Variants in FBXO34 observed in about 807,000 individuals in gnomAD.
FBXO34 encodes the protein F-box only protein 34.
Under a neutral mutation model 24.5 loss-of-function variants are expected in FBXO34, and 12 were observed. That is an observed-to-expected ratio of 0.49 (90% CI 0.31 to 0.79). The LOEUF (loss-of-function observed/expected upper bound fraction) is 0.79. Ranked by LOEUF, FBXO34 falls within the 30% of genes least tolerant of loss-of-function variation. The pLI, the probability that FBXO34 is intolerant of heterozygous loss-of-function variation, is 0.04. For synonymous variants in FBXO34, 320 were observed against 311.9 expected (o/e 1.03, Z -0.27); for missense variants, 823 against 857.7 (o/e 0.96, Z 0.51).
the FBXO34 span, among the ~76,000 whole-genome samples, chr14:55,379,764 C>T: frequency 1.3e-5 from 2 of 152,180 alleles, no homozygotes; most frequent in South Asian, 4.1e-4. Flanking sequence ...TTCCGTCACT[C>T]AGGCTGGAGT....
intron 1 of FBXO34, among the ~76,000 whole-genome samples, chr14:55,294,437 A>T (rs1369215081): frequency 6.6e-6 from 1 of 152,044 alleles, no homozygotes; most frequent in Non-Finnish European, 1.5e-5. Context: ...ACATACGCAC[A>T]CCACAGGGTT....
rs772562117 is a variant in FBXO34, at chr14:55,350,682, C to G, written c.292C>G (p.Gln98Glu). ...KKNAPSATIH[Q>E]GEEEGPLDIW... ...GAATGCACCATCTGCAACGATCCACCAGGGCGAAGAAGAAGGACCACTTGA... is the reference window on the plus strand; with the variant it reads ...GAATGCACCATCTGCAACGATCCACGAGGGCGAAGAAGAAGGACCACTTGA... Residue 98 changes from glutamine (Q) to glutamate (E), a missense_variant, in exon 2 of 2, where the codon CAG (glutamine) becomes GAG (glutamate). By Grantham distance (29) the Gln-to-Glu change is conservative. Coordinates refer to ENST00000313833, the MANE Select transcript of FBXO34 (RefSeq NM_017943.4). 10 of 1,613,844 alleles carry G rather than the reference C, an allele frequency of 6.2e-6. No individual in the cohort carries two copies. The highest frequency in any genetic ancestry group is 8.5e-6 in the Non-Finnish European group (10 of 1,179,960).
chr14:55,297,689 GTATATC>G (rs751148267), intron 1 of FBXO34, among the ~76,000 whole-genome samples: 7 of 152,166 alleles, frequency 4.6e-5, no homozygotes, highest in Admixed American at 1.3e-4. Context: ...ATGCTAAAAT[GTATATC>G]TATGTGTATG....
At chr14:55,370,476 T>C (rs1884788986), downstream of FBXO34, among the ~76,000 whole-genome samples, 1 of 152,168 alleles carries the variant, frequency 6.6e-6, no homozygotes, top group African/African-American at 2.4e-5. Flanking sequence ...AGAGGCAATG[T>C]TGTATATTTC....
the FBXO34 span, among the ~76,000 whole-genome samples, chr14:55,376,905 TGA>T: frequency 6.6e-6 from 1 of 152,238 alleles, no homozygotes; most frequent in African/African-American, 2.4e-5. Context: ...TTTCATGGGC[TGA>T]GAGAATAAAA....
At chr14:55,295,444 G>C (rs1001930674) in intron 1 of FBXO34, among the ~76,000 whole-genome samples, 9 of 146,502 alleles carry the variant, frequency 6.1e-5, no homozygotes, top group Admixed American at 1.4e-4. Flanking sequence ...GCCCAGGCTG[G>C]AGTGGAGTGG....
Position 55,278,162 on chromosome 14 carries a change from G to A in FBXO34, c.-11+6625G>A, listed in dbSNP as rs115277866. 5.3e-3 allele frequency among the ~76,000 whole-genome samples: 812 copies of A among 152,274 alleles called. 7 individuals carry two copies. Among genetic ancestry groups the A allele is most frequent in the African/African-American group, 0.019 (773 of 41,546 alleles). On this transcript the variant is annotated intron_variant, in intron 1 of 1. Transcript: ENST00000313833. ...CTGCTTGCCCATACTTAGGTCATAT[G>A]TGAAACCTTAGCATTGCCTATATGT... is the stretch of plus-strand genomic sequence containing the variant.
the FBXO34 span, among the ~76,000 whole-genome samples, chr14:55,407,271 G>A: frequency 6.6e-6 from 1 of 152,170 alleles, no homozygotes; most frequent in African/African-American, 2.4e-5. Context: ...TGAGACCACA[G>A]GCATGCGTGC....
downstream of FBXO34, chr14:55,369,419 T>C: frequency 2.2e-6 from 1 of 453,944 alleles, no homozygotes; most frequent in Non-Finnish European, 3.8e-6. Flanking sequence ...TTCTCTTAAT[T>C]ATCATAAGCA....
the FBXO34 span, among the ~76,000 whole-genome samples, chr14:55,408,762 T>A: frequency 6.6e-6 from 1 of 152,014 alleles, no homozygotes; most frequent in Non-Finnish European, 1.5e-5. Flanking sequence ...CAGAGCAAGA[T>A]CCTGTCTCAA....
intron 1 of FBXO34, among the ~76,000 whole-genome samples, chr14:55,297,066 C>G (rs777787936): frequency 6.6e-6 from 1 of 152,038 alleles, no homozygotes; most frequent in Non-Finnish European, 1.5e-5. Flanking sequence ...TCCCCTTGAC[C>G]GGCGTCATTT....
the FBXO34 span, among the ~76,000 whole-genome samples, chr14:55,400,200 CAGA>C: frequency 2.0e-5 from 3 of 152,192 alleles, no homozygotes; most frequent in Admixed American, 6.5e-5. Flanking sequence ...CCACCACTCA[CAGA>C]AGGAGATAAA....
intron 1 of FBXO34, among the ~76,000 whole-genome samples, chr14:55,304,161 G>A (rs1882459493): frequency 6.6e-6 from 1 of 152,112 alleles, no homozygotes; most frequent in Admixed American, 6.6e-5. Context: ...GTTTATGCTT[G>A]TGATTTTAGC....
chr14:55,309,649 CATT>C (rs1882669197), intron 1 of FBXO34, among the ~76,000 whole-genome samples: 1 of 152,182 alleles, frequency 6.6e-6, no homozygotes, highest in Admixed American at 6.5e-5. Context: ...ACTTTAAAAA[CATT>C]AGTGCATTCA....
the FBXO34 span, among the ~76,000 whole-genome samples, chr14:55,391,769 C>G: frequency 6.6e-6 from 1 of 152,182 alleles, no homozygotes; most frequent in Non-Finnish European, 1.5e-5. Flanking sequence ...GTCCTACTGA[C>G]GTGCAGCTCC....
At chr14:55,301,584 T>G (rs1882358318) in intron 1 of FBXO34, among the ~76,000 whole-genome samples, 1 of 152,214 alleles carries the variant, frequency 6.6e-6, no homozygotes. Flanking sequence ...TCAGTGGCCT[T>G]TGGTAGGTCT....
At chr14:55,348,375 C>T (rs549085674) in intron 1 of FBXO34, among the ~76,000 whole-genome samples, 5 of 152,138 alleles carry the variant, frequency 3.3e-5, no homozygotes, top group South Asian at 2.1e-4. Context: ...ACTACAGGCA[C>T]GTGCCGTCAC....
At chr14:55,411,054 C>G in the FBXO34 span, among the ~76,000 whole-genome samples, 2 of 152,104 alleles carry the variant, frequency 1.3e-5, no homozygotes, top group South Asian at 2.1e-4. Flanking sequence ...CTAAAATAAT[C>G]TTTAGAGGCA....
the FBXO34 span, among the ~76,000 whole-genome samples, chr14:55,394,361 C>T: frequency 6.6e-6 from 1 of 152,160 alleles, no homozygotes; most frequent in African/African-American, 2.4e-5. Flanking sequence ...AGTACACAGA[C>T]ATTTCAATTT....
Sources: gnomAD v4.1 joint callset for allele counts (sites outside exome capture counted in the v4.1 genomes callset) on GRCh38, gnomAD v4.1.1 for gene constraint, MANE v1.5 for transcripts, NCBI Gene and HGNC (gene_info 2026-07-23, HGNC 2026-07-21) for gene names.